CCDC7: variants seen among roughly 807,000 people sequenced by gnomAD.
The protein encoded by CCDC7 is coiled-coil domain containing 7, also known as coiled-coil domain-containing protein 7.
In CCDC7, 183 loss-of-function variants were observed where a neutral mutation model predicts 196.9. The observed-to-expected ratio is 0.93, with a 90% confidence interval of 0.82 to 1.05. The LOEUF (loss-of-function observed/expected upper bound fraction) is 1.05. Among genes scored for constraint, CCDC7 ranks in the 50% least tolerant of loss-of-function variants. The probability of loss-of-function intolerance (pLI) is 0.00; values close to 1 mark genes in which losing one functional copy is unlikely to be tolerated. For missense variants in CCDC7, 1,540 were observed against 1,482.2 expected, an observed-to-expected ratio of 1.04 and a Z score of -0.64; for synonymous variants, 525 against 484.6, an observed-to-expected ratio of 1.08 and a Z score of -1.10.
chr10:32,823,954 T>C (rs2090700947), intron 31 of CCDC7, among the ~76,000 whole-genome samples: 1 of 152,176 alleles, frequency 6.6e-6, no homozygotes, highest in East Asian at 1.9e-4. Context: ...TTTTTATCAC[T>C]GATGCCTATT....
At chr10:32,651,141 A>T (rs2140152458) in intron 20 of CCDC7, among the ~76,000 whole-genome samples, 1 of 151,956 alleles carries the variant, frequency 6.6e-6, no homozygotes, top group East Asian at 1.9e-4. Context: ...CTTCAGGGAG[A>T]TCTCCCCTGC....
upstream of CCDC7, among the ~76,000 whole-genome samples, chr10:32,444,856 T>C (rs1564586391): frequency 6.6e-6 from 1 of 151,866 alleles, no homozygotes; most frequent in African/African-American, 2.4e-5. Context: ...TCATGTTTTT[T>C]TTTTTTTTTC....
chr10:32,583,379 T>G, intron 17 of CCDC7, 72 bp downstream of exon 18: 1 of 986,248 alleles, frequency 1.0e-6, no homozygotes, highest in African/African-American at 1.7e-5. Flanking sequence ...GCTAACCCAT[T>G]TAAATGGGTT....
At chr10:32,745,520 C>T (rs781707696) in intron 28 of CCDC7, among the ~76,000 whole-genome samples, 1 of 152,056 alleles carries the variant, frequency 6.6e-6, no homozygotes, top group Non-Finnish European at 1.5e-5. Flanking sequence ...ACAATCAGAT[C>T]TATAGGAAAC....
At chr10:32,814,735 G>C (rs575503052) in intron 31 of CCDC7, among the ~76,000 whole-genome samples, 1 of 152,252 alleles carries the variant, frequency 6.6e-6, no homozygotes, top group East Asian at 1.9e-4. Flanking sequence ...AAAAATATCA[G>C]TCAAGTTTGT....
chr10:32,472,433 TTAC>T, intron 6 of CCDC7, 45 bp from the exon 8 acceptor site: 1 of 1,493,012 alleles, frequency 6.7e-7, no homozygotes. Flanking sequence ...ATTTAAACTC[TTAC>T]TCTTTGATAT....
chr10:32,688,119 G>A (rs958455314), intron 22 of CCDC7, among the ~76,000 whole-genome samples: 1 of 151,922 alleles, frequency 6.6e-6, no homozygotes, highest in African/African-American at 2.4e-5. Flanking sequence ...CACTTTTAGG[G>A]CACTCAGAAT....
rs570461090 is a variant in CCDC7, at chr10:32,643,060, T to G, written c.2014+7902T>G. ...TGTGCTATTTAAAGTAGTATTTATT[T>G]TTTGATTTCCTTTAATTTTTTGTTA... On this transcript the variant is annotated intron_variant, in intron 20 of 41. Transcript: ENST00000639629. Among the ~76,000 whole-genome samples, 18 of 152,334 alleles carry G rather than the reference T, an allele frequency of 1.2e-4. No individual in the cohort carries two copies. The South Asian group carries it at 3.7e-3, about 32-fold the overall frequency.
chr10:32,836,207 C>A (rs944592485), intron 33 of CCDC7, among the ~76,000 whole-genome samples: 15 of 151,996 alleles, frequency 9.9e-5, no homozygotes, highest in Non-Finnish European at 1.8e-4. Flanking sequence ...CCCCTGAAAC[C>A]ACTGTCATTC....
At chr10:32,637,016 A>T (rs1243157211) in intron 20 of CCDC7, among the ~76,000 whole-genome samples, 1 of 152,208 alleles carries the variant, frequency 6.6e-6, no homozygotes, top group East Asian at 1.9e-4. Context: ...TGTTGGCTGC[A>T]TAAATGTCTT....
chr10:32,706,490 A>G (rs560177365), intron 24 of CCDC7, among the ~76,000 whole-genome samples: 1 of 152,300 alleles, frequency 6.6e-6, no homozygotes, highest in East Asian at 1.9e-4. Flanking sequence ...TGAAGGAGAT[A>G]GAGACACAAA....
chr10:32,446,945 TCCTC>T (rs71027089), upstream of CCDC7, among the ~76,000 whole-genome samples: 65,601 of 89,930 alleles, frequency 0.73, 27,300 homozygotes, highest in East Asian at 0.96. Context: ...CCTCTTCCCT[TCCTC>T]CCTCCCTCCC....
At chr10:32,615,306 T>C (rs2062657005) in intron 18 of CCDC7, among the ~76,000 whole-genome samples, 1 of 152,144 alleles carries the variant, frequency 6.6e-6, no homozygotes, top group South Asian at 2.1e-4. Context: ...CAGTGTATAG[T>C]GTTCCCTTTT....
intron 29 of CCDC7, among the ~76,000 whole-genome samples, chr10:32,804,645 A>G (rs1565553096): frequency 1.3e-5 from 2 of 152,186 alleles, no homozygotes; most frequent in African/African-American, 4.8e-5. Context: ...ATGTGATTCA[A>G]TATAAACTTT....
intron 22 of CCDC7, among the ~76,000 whole-genome samples, chr10:32,688,823 A>C (rs1431928666): frequency 6.6e-6 from 1 of 152,210 alleles, no homozygotes; most frequent in Non-Finnish European, 1.5e-5. Context: ...GCCAGAGACT[A>C]AGATAAAACA....
At chr10:32,656,995 C>A (rs1182477032) in intron 20 of CCDC7, among the ~76,000 whole-genome samples, 1 of 152,192 alleles carries the variant, frequency 6.6e-6, no homozygotes, top group African/African-American at 2.4e-5. Context: ...TCCAATAGGG[C>A]AGTCATTAAA....
intron 24 of CCDC7, among the ~76,000 whole-genome samples, chr10:32,705,033 C>G (rs774813701): frequency 3.9e-5 from 6 of 152,234 alleles, no homozygotes; most frequent in African/African-American, 7.2e-5. Context: ...CACCCACTGT[C>G]CGACAATGCC....
At chr10:32,650,224 G>T (rs1249750168) in intron 20 of CCDC7, among the ~76,000 whole-genome samples, 1 of 152,154 alleles carries the variant, frequency 6.6e-6, no homozygotes, top group East Asian at 1.9e-4. Flanking sequence ...TCTGTATAGG[G>T]TCTTTGTTGT....
At chr10:32,700,108 T>A (rs2078421144) in intron 24 of CCDC7, among the ~76,000 whole-genome samples, 1 of 149,606 alleles carries the variant, frequency 6.7e-6, no homozygotes, top group Admixed American at 6.6e-5. Context: ...CTTTTGGTGT[T>A]TTAGACATGA....
Sources: gnomAD v4.1 joint callset for allele counts (sites outside exome capture counted in the v4.1 genomes callset) on GRCh38, gnomAD v4.1.1 for gene constraint, MANE v1.5 for transcripts, NCBI Gene and HGNC (gene_info 2026-07-23, HGNC 2026-07-21) for gene names.